The following KIAA0586 variants were observed in gnomAD, a reference collection of about 807,000 sequenced individuals.
KIAA0586 encodes the protein protein TALPID3.
KIAA0586 carries 144 observed loss-of-function variants against 169.8 expected under a neutral mutation model. The ratio of observed to expected loss-of-function variants is 0.85; its 90% CI spans 0.74 to 0.97. KIAA0586 has a LOEUF of 0.97. Among genes scored for constraint, KIAA0586 ranks in the 50% least tolerant of loss-of-function variants. The pLI is 0.00. For synonymous variants in KIAA0586, 625 were observed against 612.4 expected, an observed-to-expected ratio of 1.02 and a Z score of -0.30; for missense variants, 1,854 against 1,823.0, an observed-to-expected ratio of 1.02 and a Z score of -0.31.
At chr14:58,557,813 A>T in the KIAA0586 span, among the ~76,000 whole-genome samples, 3 of 149,188 alleles carry the variant, frequency 2.0e-5, no homozygotes, top group Admixed American at 2.0e-4. Flanking sequence ...ACCTTCAGAG[A>T]GAGGAAGACT....
intron 26 of KIAA0586, among the ~76,000 whole-genome samples, chr14:58,493,637 G>A (rs946890899): frequency 2.0e-5 from 3 of 151,958 alleles, no homozygotes; most frequent in African/African-American, 4.8e-5. Context: ...ATTTAGTAAT[G>A]GGAAAAAATG....
downstream of KIAA0586, among the ~76,000 whole-genome samples, chr14:58,551,555 A>G (rs1018352111): frequency 6.6e-6 from 1 of 152,128 alleles, no homozygotes; most frequent in East Asian, 1.9e-4. Flanking sequence ...TGAAGTCAGG[A>G]GTTCGAGACC....
At chr14:58,560,903 T>C in the KIAA0586 span, among the ~76,000 whole-genome samples, 1 of 152,196 alleles carries the variant, frequency 6.6e-6, no homozygotes, top group Admixed American at 6.5e-5. Context: ...AGCTCTTGCT[T>C]GTAAGATGAA....
chr14:58,494,939 A>G (rs2043064290), intron 26 of KIAA0586, among the ~76,000 whole-genome samples: 1 of 152,062 alleles, frequency 6.6e-6, no homozygotes, highest in Non-Finnish European at 1.5e-5. Context: ...GGAAGAAACA[A>G]TGACTTTTCT....
chr14:58,498,777 T>A lies in KIAA0586; in HGVS notation c.3991-6T>A. The stretch of plus-strand genomic sequence containing the variant: ...TGGTTTTAACAATTGTTTCTGCTTT[T>A]TAAAGGACTTGGAAAACAGTGTGGG... On this transcript the variant is annotated splice_region_variant and splice_polypyrimidine_tract_variant and intron_variant, in intron 26 of 30. Transcript: ENST00000652326. 6.3e-7 allele frequency: 1 copy of A among 1,581,286 alleles called. No individual in the cohort carries two copies. The highest frequency in any genetic ancestry group is 2.2e-5 in the East Asian group (1 of 44,466).
Position 58,427,830 on chromosome 14 carries a change from G to A in KIAA0586, c.-435G>A. 1 of 1,443,050 alleles carries A rather than the reference G, an allele frequency of 6.9e-7. No individual in the cohort carries two copies. Among genetic ancestry groups the A allele is most frequent in the Non-Finnish European group, 9.1e-7 (1 of 1,100,828 alleles). The allele number at this position is 1,443,050 out of a possible 1,614,324, so 89.4% of individuals were successfully genotyped here. On this transcript the variant is annotated 5_prime_UTR_variant, in exon 1 of 31. It introduces an in-frame stop codon into an upstream open reading frame of the 5' UTR. Transcript: ENST00000652326. ...TCTGGAGGGGTGTGTAAGACTCTGT[G>A]GCTGAAGAAAGCTATTACGCTTCTT...
chr14:58,497,565 A>T (rs548910575), intron 26 of KIAA0586, among the ~76,000 whole-genome samples: 1 of 151,308 alleles, frequency 6.6e-6, no homozygotes, highest in Non-Finnish European at 1.5e-5. Flanking sequence ...GGGTTTCACC[A>T]TATTGGCCAG....
intron 28 of KIAA0586, among the ~76,000 whole-genome samples, chr14:58,509,469 C>CA (rs2044230789): frequency 6.6e-6 from 1 of 152,114 alleles, no homozygotes; most frequent in African/African-American, 2.4e-5. Context: ...AGGTTAATTA[C>CA]TCACCAAGAT....
At chr14:58,557,901 C>CTTTTTTTTTTT in the KIAA0586 span, among the ~76,000 whole-genome samples, 389 of 42,506 alleles carry the variant, frequency 9.2e-3, 94 homozygotes, top group African/African-American at 0.036. Context: ...CCTGAGAAAT[C>CTTTTTTTTTTT]TTTTTTTTTT....
intron 27 of KIAA0586, among the ~76,000 whole-genome samples, chr14:58,502,527 A>G (rs1367717586): frequency 6.6e-6 from 1 of 152,170 alleles, no homozygotes; most frequent in South Asian, 2.1e-4. Flanking sequence ...TCATGGAACA[A>G]CTTAAGAGGT....
At position 58,453,324 on chromosome 14, in the gene KIAA0586, A is replaced by G. The variant is rs956584006; in HGVS notation, c.1130-26A>G. On this transcript the variant is annotated intron_variant, in intron 8 of 30. Transcript: ENST00000652326. ...AGAGAAATGAATTAGTATTTGGAAAATGATACTATATCTCTTCTATTTCAG... is the reference window on the plus strand; with the variant it reads ...AGAGAAATGAATTAGTATTTGGAAAGTGATACTATATCTCTTCTATTTCAG... The G allele has an allele frequency of 1.8e-5, 21 of 1,148,032 alleles. No homozygotes were observed. In the Admixed American group the frequency reaches 4.6e-4, roughly 25 times the overall value. The allele number at this position is 1,148,032 out of a possible 1,614,324, so 71.1% of individuals were successfully genotyped here.
At position 58,453,341 on chromosome 14, in the gene KIAA0586, C is replaced by G. The variant is rs377154127; in HGVS notation, c.1130-9C>G. 9.8e-6 allele frequency: 12 copies of G among 1,224,010 alleles called. No homozygotes were observed. The highest frequency in any genetic ancestry group is 1.6e-5 in the African/African-American group (1 of 63,826). 75.8% of individuals were successfully genotyped at this position (1,224,010 alleles called of 1,614,324 possible). A position where few individuals can be genotyped will look rare whatever the true frequency, so the allele number is the denominator to read the frequency against. ...TTTGGAAAATGATACTATATCTCTT[C>G]TATTTCAGGAAATGTAAGACTATTG... On this transcript the variant is annotated splice_polypyrimidine_tract_variant and intron_variant, in intron 8 of 30. Coordinates refer to ENST00000652326, the MANE Select transcript of KIAA0586 (RefSeq NM_001329943.3).
At chr14:58,506,179 G>A (rs1349727431) in intron 27 of KIAA0586, among the ~76,000 whole-genome samples, 1 of 151,602 alleles carries the variant, frequency 6.6e-6, no homozygotes, top group Non-Finnish European at 1.5e-5. Context: ...GCCACTCTTA[G>A]AAAAATGTTG....
chr14:58,466,471 C>T (rs2040783312), intron 15 of KIAA0586, among the ~76,000 whole-genome samples: 1 of 152,082 alleles, frequency 6.6e-6, no homozygotes, highest in South Asian at 2.1e-4. Flanking sequence ...CACAGTGGCT[C>T]ATGCCTTTAA....
intron 28 of KIAA0586, among the ~76,000 whole-genome samples, chr14:58,509,200 AGAGT>A (rs1468659644): frequency 6.6e-6 from 1 of 152,232 alleles, no homozygotes; most frequent in Non-Finnish European, 1.5e-5. Context: ...AGCTGGTGAC[AGAGT>A]GAGACTCTTG....
intron 8 of KIAA0586, among the ~76,000 whole-genome samples, chr14:58,452,645 G>A (rs185978359): frequency 1.3e-5 from 2 of 152,238 alleles, no homozygotes; most frequent in Admixed American, 1.3e-4. Context: ...TTTTTTCTGT[G>A]ATGGAAATAA....
chr14:58,508,491 T>A lies in KIAA0586; in HGVS notation c.4169-64T>A, dbSNP rs2044158050. ...ATATTGGTGGTTTTAGTCAACTACT[T>A]GTTCATTTTTGAAGATAAATTTAAC... On this transcript the variant is annotated intron_variant, in intron 27 of 30. Transcript: ENST00000652326. The A allele has an allele frequency of 1.5e-5, 19 of 1,291,290 alleles. 1 individual carries two copies. In the South Asian group the frequency reaches 2.4e-4, roughly 16 times the overall value. 80.0% of individuals were successfully genotyped at this position (1,291,290 alleles called of 1,614,324 possible).
At chr14:58,463,977 C>T (rs1361305863) in intron 14 of KIAA0586, 2 of 449,634 alleles carry the variant, frequency 4.4e-6, no homozygotes, top group Non-Finnish European at 9.1e-6. Context: ...CAGGACCTCA[C>T]CTCGGTGGTG....
chr14:58,439,439 A>C (rs538457735), intron 4 of KIAA0586, among the ~76,000 whole-genome samples: 1 of 152,058 alleles, frequency 6.6e-6, no homozygotes, highest in Non-Finnish European at 1.5e-5. Flanking sequence ...CGCCCGCCTC[A>C]GCCTCCCAAA....
Sources: gnomAD v4.1 joint callset for allele counts (sites outside exome capture counted in the v4.1 genomes callset) on GRCh38, gnomAD v4.1.1 for gene constraint, MANE v1.5 for transcripts, NCBI Gene and HGNC (gene_info 2026-07-23, HGNC 2026-07-21) for gene names.